Variants in GALNT3 observed in about 807,000 individuals in gnomAD.
GALNT3 encodes GalNAc transferase 3.
Under a neutral mutation model 69.8 loss-of-function variants are expected in GALNT3, and 51 were observed. That is an observed-to-expected ratio of 0.73 (90% CI 0.58 to 0.92). The LOEUF is 0.92. GALNT3 is among the 40% of genes least tolerant of loss of function. The pLI is 0.00. For synonymous variants in GALNT3, 265 were observed against 248.5 expected (o/e 1.07, Z -0.63); for missense variants, 711 against 760.0 (o/e 0.94, Z 0.76).
chr2:165,761,801 G>T, intron 4 of GALNT3, 104 bp downstream of exon 4: 3 of 1,273,508 alleles, frequency 2.4e-6, no homozygotes, highest in Non-Finnish European at 3.4e-6. Flanking sequence ...CGCTGTTAAA[G>T]AAAATGCAAT....
rs994184585 is a variant in GALNT3, at chr2:165,758,682, C to T, written c.1191+65G>A. The T allele has an allele frequency of 3.4e-5, 35 of 1,035,090 alleles. No individual in the cohort carries two copies. In the Middle Eastern group the frequency reaches 7.9e-4, roughly 23 times the overall value. 64.1% of individuals were successfully genotyped at this position (1,035,090 alleles called of 1,614,324 possible). A position where few individuals can be genotyped will look rare whatever the true frequency, so the allele number is the denominator to read the frequency against. ...ACACATCTGTAATCATATGTACCAGCCGATTAGAACACAATATATTTCATT... is the reference window on the plus strand; with the variant it reads ...ACACATCTGTAATCATATGTACCAGTCGATTAGAACACAATATATTTCATT... On this transcript the variant is annotated intron_variant, in intron 6 of 10. Transcript: ENST00000392701.
At chr2:165,774,179 T>C (rs1304070011) in intron 1 of GALNT3, among the ~76,000 whole-genome samples, 1 of 152,178 alleles carries the variant, frequency 6.6e-6, no homozygotes, top group African/African-American at 2.4e-5. Flanking sequence ...AAAAGGTAGA[T>C]ATTCATCAAC....
At chr2:165,778,749 C>T (rs1032895959) in intron 1 of GALNT3, among the ~76,000 whole-genome samples, 4 of 152,166 alleles carry the variant, frequency 2.6e-5, no homozygotes, top group African/African-American at 9.7e-5. Context: ...GGACAGAACC[C>T]TAGAACTAGC....
At chr2:165,754,016 TAGA>T (rs1399185179) in intron 9 of GALNT3, among the ~76,000 whole-genome samples, 1 of 151,984 alleles carries the variant, frequency 6.6e-6, no homozygotes, top group African/African-American at 2.4e-5. Context: ...AAGAGCTACA[TAGA>T]AGTTTCTTTT....
At chr2:165,785,369 T>C (rs903085550) in intron 1 of GALNT3, among the ~76,000 whole-genome samples, 2 of 152,146 alleles carry the variant, frequency 1.3e-5, no homozygotes, top group African/African-American at 4.8e-5. Context: ...AAAACATACA[T>C]ATTGTTTTTA....
intron 4 of GALNT3, among the ~76,000 whole-genome samples, chr2:165,760,629 C>T (rs1356869618): frequency 2.0e-5 from 3 of 152,150 alleles, no homozygotes; most frequent in Admixed American, 1.3e-4. Context: ...CTTTAGTGTT[C>T]TCTTCATTTT....
At chr2:165,778,210 A>G (rs764526453) in intron 1 of GALNT3, among the ~76,000 whole-genome samples, 1 of 152,222 alleles carries the variant, frequency 6.6e-6, no homozygotes, top group Non-Finnish European at 1.5e-5. Flanking sequence ...TGACTTTTAC[A>G]TTACATATGA....
intron 1 of GALNT3, among the ~76,000 whole-genome samples, chr2:165,781,697 T>G (rs868543573): frequency 6.6e-5 from 10 of 152,184 alleles, no homozygotes; most frequent in Admixed American, 1.3e-4. Flanking sequence ...CTTCTAATTC[T>G]TATATGCTCT....
intron 1 of GALNT3, among the ~76,000 whole-genome samples, chr2:165,773,012 A>G (rs1688780136): frequency 6.6e-6 from 1 of 152,228 alleles, no homozygotes; most frequent in African/African-American, 2.4e-5. Context: ...ATAGATATTA[A>G]TGAGATGAGG....
intron 1 of GALNT3, among the ~76,000 whole-genome samples, chr2:165,789,276 C>G (rs992472520): frequency 9.9e-5 from 15 of 152,176 alleles, no homozygotes; most frequent in Admixed American, 3.3e-4. Flanking sequence ...CCTAGGTATC[C>G]TCACATGGAG....
rs777834339 is a variant in GALNT3, at chr2:165,749,817, G to A, written c.1704C>T (p.Leu568=). The A allele has an allele frequency of 1.4e-5, 23 of 1,613,388 alleles. No individual in the cohort carries two copies. Among genetic ancestry groups the A allele is most frequent in the East Asian group, 1.3e-4 (6 of 44,870 alleles). The part of the protein sequence containing the change: ...KELCLHAAQG[L]VQLKACTYKG... ...TGTAGGTACATGCCTTCAGCTGAAC[G>A]AGACCTTGAGCAGCATGAAGACATA... The change falls in exon 10 of 11, where the codon CTC becomes CTT. Residue 568 remains leucine (L), a synonymous_variant. Transcript: ENST00000392701.
chr2:165,777,115 CCT>C (rs1682973970), intron 1 of GALNT3, among the ~76,000 whole-genome samples: 1 of 152,076 alleles, frequency 6.6e-6, no homozygotes, highest in Non-Finnish European at 1.5e-5. Context: ...GATAGTGGTT[CCT>C]CTCACTTCTT....
At chr2:165,785,247 T>C (rs1022035567) in intron 1 of GALNT3, among the ~76,000 whole-genome samples, 3 of 152,078 alleles carry the variant, frequency 2.0e-5, no homozygotes, top group African/African-American at 2.4e-5. Flanking sequence ...TATGATTAAA[T>C]ATTATGCAAA....
At chr2:165,750,070 C>G (rs1426776406) in intron 9 of GALNT3, among the ~76,000 whole-genome samples, 176 bp from the exon 10 acceptor site, 1 of 152,064 alleles carries the variant, frequency 6.6e-6, no homozygotes, top group African/African-American at 2.4e-5. Context: ...GATACAATAG[C>G]CTTCCTTCAT....
rs921489779 is a variant in GALNT3, at chr2:165,747,873, G to A, written c.*908C>T. The A allele has an allele frequency of 5.8e-6, 1 of 172,108 alleles. No individual in the cohort carries two copies. The highest frequency in any genetic ancestry group is 2.4e-5 in the African/African-American group (1 of 42,054). 10.7% of individuals were successfully genotyped at this position (172,108 alleles called of 1,614,324 possible). A position where few individuals can be genotyped will look rare whatever the true frequency, so the allele number is the denominator to read the frequency against. On this transcript the variant is annotated 3_prime_UTR_variant, in exon 11 of 11. Transcript: ENST00000392701. Reference sequence around the variant, plus strand: ...AAAAAATAAGGCTTTTTGATGAAAAGAATCCATTACAAAGTCAAAAATCCA... The same window carrying A: ...AAAAAATAAGGCTTTTTGATGAAAAAAATCCATTACAAAGTCAAAAATCCA...
In GALNT3 at chr2:165,758,605, T is replaced by C. The variant is rs1432068242; in HGVS notation, c.1191+142A>G. 4.9e-6 allele frequency: 3 copies of C among 617,020 alleles called. No homozygotes were observed. The African/African-American group carries it at 5.6e-5, about 11-fold the overall frequency. 38.2% of individuals were successfully genotyped at this position (617,020 alleles called of 1,614,324 possible). On this transcript the variant is annotated intron_variant, in intron 6 of 10. Coordinates refer to ENST00000392701, the MANE Select transcript of GALNT3 (RefSeq NM_004482.4). ...GTTACATATTAAAAGAAAATATTCT[T>C]ATTCCAAAATTTCCAGCAATTAAGT...
chr2:165,764,905 C>A lies in GALNT3; in HGVS notation c.667G>T (p.Val223Leu). The A allele has an allele frequency of 6.2e-7, 1 of 1,614,192 alleles. No individual in the cohort carries two copies. The highest frequency in any genetic ancestry group is 8.5e-7 in the Non-Finnish European group (1 of 1,180,032). The change falls in exon 3 of 11, where the codon GTG becomes TTG. Residue 223 changes from valine to leucine, a missense_variant. Coordinates refer to ENST00000392701, the MANE Select transcript of GALNT3 (RefSeq NM_004482.4). Reference sequence around the variant, plus strand: ...TTACCATCTACACTAGCATCATCCACCAAAATGATTTCCTTCAGCAGTATT... The same window carrying A: ...TTACCATCTACACTAGCATCATCCAACAAAATGATTTCCTTCAGCAGTATT... ...PAILLKEIIL[V>L]DDASVDEYLH...
intron 3 of GALNT3, among the ~76,000 whole-genome samples, chr2:165,763,049 C>T (rs1688580664): frequency 6.6e-6 from 1 of 151,850 alleles, no homozygotes; most frequent in African/African-American, 2.4e-5. Context: ...TATTTGCAGG[C>T]CTCAGCCTCC....
intron 1 of GALNT3, among the ~76,000 whole-genome samples, chr2:165,775,024 G>A (rs1046836979): frequency 4.0e-5 from 6 of 149,928 alleles, no homozygotes; most frequent in Non-Finnish European, 7.4e-5. Context: ...CAACGTGCTG[G>A]GATTACAGCC....
Sources: allele counts gnomAD v4.1 joint callset (sites outside exome capture counted in the v4.1 genomes callset), GRCh38; gene constraint gnomAD v4.1.1; transcripts MANE v1.5; gene names NCBI Gene and HGNC (gene_info 2026-07-23, HGNC 2026-07-21).